WASL: variants seen among roughly 807,000 people sequenced by gnomAD.
The protein encoded by WASL is actin nucleation-promoting factor WASL.
WASL carries 20 observed loss-of-function variants against 55.5 expected under a neutral mutation model. That is an observed-to-expected ratio of 0.36 (90% CI 0.25 to 0.52). The LOEUF (loss-of-function observed/expected upper bound fraction) is 0.52. Ranked by LOEUF, WASL falls within the 20% of genes least tolerant of loss-of-function variation. The pLI is 0.92. For synonymous variants in WASL, 249 were observed against 217.6 expected (o/e 1.14, Z -1.27); for missense variants, 504 against 622.5 (o/e 0.81, Z 2.03).
At chr7:123,696,337 CTAATT>C (rs1262173889) in intron 6 of WASL, among the ~76,000 whole-genome samples, 1 of 150,670 alleles carries the variant, frequency 6.6e-6, no homozygotes, top group Non-Finnish European at 1.5e-5. Flanking sequence ...ACAACTTTAT[CTAATT>C]TTTCTTTTCT....
intron 1 of WASL, among the ~76,000 whole-genome samples, chr7:123,729,552 G>A (rs1484269437): frequency 3.3e-5 from 5 of 152,138 alleles, no homozygotes; most frequent in Admixed American, 2.0e-4. Context: ...GCATTCCATG[G>A]AAGATTCTTG....
intron 1 of WASL, among the ~76,000 whole-genome samples, chr7:123,742,308 A>G (rs1397420517): frequency 6.6e-6 from 1 of 152,232 alleles, no homozygotes; most frequent in Non-Finnish European, 1.5e-5. Flanking sequence ...ATGCTGTTTC[A>G]GGAATACAAA....
intron 1 of WASL, among the ~76,000 whole-genome samples, chr7:123,740,320 T>C (rs1804317487): frequency 6.6e-6 from 1 of 152,236 alleles, no homozygotes. Flanking sequence ...AAAAAAAGGG[T>C]TACAATTCCT....
intron 9 of WASL, 68 bp from the exon 10 acceptor site, chr7:123,689,218 C>A: frequency 1.1e-5 from 14 of 1,310,072 alleles, no homozygotes; most frequent in Non-Finnish European, 1.5e-5. Context: ...TCCAGAAAGT[C>A]CTACTTTCTT....
intron 10 of WASL, among the ~76,000 whole-genome samples, chr7:123,685,285 A>G (rs2109723): frequency 0.45 from 68,895 of 151,576 alleles, 15,926 homozygotes; most frequent in South Asian, 0.66. Flanking sequence ...ACCTCCCTCC[A>G]TAAGACCCTA....
rs1506638 is a variant in WASL, at chr7:123,737,998, T to C, written c.117+10620A>G. ...AAGTCACTAAGACAAAAACAAATAA[T>C]CCAATAGAAAATTGGTCTAAGGACA... On this transcript the variant is annotated intron_variant, in intron 1 of 10. Transcript: ENST00000223023. Among the ~76,000 whole-genome samples, 377 of 152,018 alleles carry C rather than the reference T, an allele frequency of 2.5e-3. 3 individuals are homozygous for C. Among genetic ancestry groups the C allele is most frequent in the African/African-American group, 8.4e-3 (350 of 41,452 alleles).
Position 123,695,121 on chromosome 7 carries a change from G to C in WASL, c.673-253C>G, listed in dbSNP as rs557370789. On this transcript the variant is annotated intron_variant, in intron 7 of 10. Coordinates refer to ENST00000223023, the MANE Select transcript of WASL (RefSeq NM_003941.4). ...TTTCTATTAGCCTATTCATGATTCA[G>C]ACATCTCCAATGCTCATTTATTCTA... Among the ~76,000 whole-genome samples the C allele has an allele frequency of 2.0e-5, 3 of 152,090 alleles. No individual in the cohort carries two copies. The South Asian group carries it at 6.2e-4, about 32-fold the overall frequency.
intron 1 of WASL, among the ~76,000 whole-genome samples, chr7:123,711,560 G>C (rs1489829033): frequency 6.6e-6 from 1 of 152,104 alleles, no homozygotes; most frequent in Admixed American, 6.5e-5. Context: ...ACAGCACCTT[G>C]TAAAGCCTTT....
At chr7:123,713,097 AATT>A in intron 1 of WASL, among the ~76,000 whole-genome samples, 1 of 152,124 alleles carries the variant, frequency 6.6e-6, no homozygotes, top group East Asian at 1.9e-4. Flanking sequence ...TAATAACTAA[AATT>A]ATTTTAATCT....
intron 1 of WASL, among the ~76,000 whole-genome samples, chr7:123,716,902 T>C (rs1159821594): frequency 1.3e-5 from 2 of 152,144 alleles, no homozygotes; most frequent in African/African-American, 4.8e-5. Flanking sequence ...CTCAATTTAT[T>C]TGCCAGAGGT....
chr7:123,730,493 G>C (rs965210659), intron 1 of WASL, among the ~76,000 whole-genome samples: 18 of 152,054 alleles, frequency 1.2e-4, no homozygotes, highest in Non-Finnish European at 2.1e-4. Context: ...TTCGATACTA[G>C]ATTGAGATTA....
intron 1 of WASL, among the ~76,000 whole-genome samples, chr7:123,743,454 G>T (rs1340690516): frequency 6.6e-6 from 1 of 151,826 alleles, no homozygotes; most frequent in Non-Finnish European, 1.5e-5. Context: ...TCTTCAATTA[G>T]CAGCCAGGGA....
intron 1 of WASL, chr7:123,720,389 A>T (rs774663921): frequency 2.3e-6 from 1 of 442,590 alleles, no homozygotes; most frequent in South Asian, 1.6e-5. Context: ...GATAAGATGA[A>T]CAAGATACAC....
In WASL at chr7:123,684,342, C is replaced by T. The variant is rs987980754; in HGVS notation, c.*177G>A. On this transcript the variant is annotated 3_prime_UTR_variant, in exon 11 of 11. Coordinates refer to ENST00000223023, the MANE Select transcript of WASL (RefSeq NM_003941.4). ...CAGGGAGTAGCTTTGTAGAGGATTA[C>T]GACAAACCTTTACAGATTAAATGAG... The T allele has an allele frequency of 3.8e-5, 10 of 260,920 alleles. No individual in the cohort carries two copies. The highest frequency in any genetic ancestry group is 2.8e-4 in the South Asian group (2 of 7,090). The allele number at this position is 260,920 out of a possible 1,614,324, so 16.2% of individuals were successfully genotyped here.
chr7:123,732,623 T>C (rs998940696), intron 1 of WASL, among the ~76,000 whole-genome samples: 4 of 152,096 alleles, frequency 2.6e-5, no homozygotes, highest in Admixed American at 6.5e-5. Flanking sequence ...CCTAAACATA[T>C]GAGGAATACA....
intron 1 of WASL, among the ~76,000 whole-genome samples, chr7:123,739,315 C>G (rs1393802701): frequency 1.3e-5 from 2 of 152,196 alleles, no homozygotes; most frequent in African/African-American, 2.4e-5. Flanking sequence ...TCTAGCCAAC[C>G]AGTCTCCTCA....
chr7:123,747,374 A>C (rs1804450672), intron 1 of WASL, among the ~76,000 whole-genome samples: 1 of 152,188 alleles, frequency 6.6e-6, no homozygotes, highest in Admixed American at 6.5e-5. Context: ...ATGTTCTCTA[A>C]GGTCTAAATT....
intron 1 of WASL, among the ~76,000 whole-genome samples, chr7:123,740,719 T>C (rs903160109): frequency 2.0e-5 from 3 of 151,924 alleles, no homozygotes; most frequent in African/African-American, 7.3e-5. Flanking sequence ...CCTCAGCCTC[T>C]GGAGTAACTG....
At chr7:123,739,049 C>G (rs770408538) in intron 1 of WASL, among the ~76,000 whole-genome samples, 41 of 152,294 alleles carry the variant, frequency 2.7e-4, no homozygotes, top group Non-Finnish European at 5.7e-4. Context: ...ATGTGCTGAA[C>G]TAATAAATAA....
Sources: gnomAD v4.1 joint callset for allele counts (sites outside exome capture counted in the v4.1 genomes callset) on GRCh38, gnomAD v4.1.1 for gene constraint, MANE v1.5 for transcripts, NCBI Gene and HGNC (gene_info 2026-07-23, HGNC 2026-07-21) for gene names.